GNL3L: variants seen among roughly 807,000 people sequenced by gnomAD.
The protein encoded by GNL3L is guanine nucleotide-binding protein-like 3-like protein.
Under a neutral mutation model 42.9 loss-of-function variants are expected in GNL3L, and 4 were observed. The observed-to-expected ratio is 0.09, with a 90% CI of 0.05 to 0.21. The LOEUF (loss-of-function observed/expected upper bound fraction) is 0.21, where lower values mean the gene tolerates loss of function less well. Among genes scored for constraint, GNL3L ranks in the 10% least tolerant of loss-of-function variants. The pLI, the probability that GNL3L is intolerant of heterozygous loss-of-function variation, is 1.00. For missense variants in GNL3L, 412 were observed against 481.7 expected (o/e 0.86, Z 1.36); for synonymous variants, 159 against 176.3 (o/e 0.90, Z 0.78).
At chrX:54,575,941 G>T (rs899854730) in intron 16 of GNL3L, among the ~76,000 whole-genome samples, 4 of 111,843 alleles carry the variant, frequency 3.6e-5, no homozygotes, top group Non-Finnish European at 5.6e-5. Context: ...TTATTCTATG[G>T]CATTGAATAT....
chrX:54,552,759 C>G (rs772959613), intron 13 of GNL3L, among the ~76,000 whole-genome samples: 2 of 112,092 alleles, frequency 1.8e-5, no homozygotes, highest in African/African-American at 3.2e-5. Flanking sequence ...CAAAAACTCT[C>G]TAATGTTGCC....
At chrX:54,588,326 G>A (rs981459563) in intron 16 of GNL3L, among the ~76,000 whole-genome samples, 6 of 111,979 alleles carry the variant, frequency 5.4e-5, no homozygotes, top group Admixed American at 4.7e-4. Flanking sequence ...ACCATTTTTT[G>A]TAATGTTAGT....
At chrX:54,613,318 A>G (rs1007604730) in intron 16 of GNL3L, among the ~76,000 whole-genome samples, 1 of 111,309 alleles carries the variant, frequency 9.0e-6, no homozygotes, top group African/African-American at 3.3e-5. Context: ...ATTTCTTTGA[A>G]TATTTCTCTC....
chrX:54,622,330 G>A (rs937046815), downstream of GNL3L, among the ~76,000 whole-genome samples: 7 of 90,882 alleles, frequency 7.7e-5, no homozygotes, highest in Admixed American at 2.5e-4. Context: ...CGTCGCCCAG[G>A]CTGGAGGGCA....
rs1345392154 is a variant in GNL3L at position 54,539,082 on chromosome X, T to C, written c.62T>C (p.Ile21Thr). 7 of 1,143,797 alleles carry C rather than the reference T, an allele frequency of 6.1e-6. No homozygotes were observed. Among genetic ancestry groups the C allele is most frequent in the Non-Finnish European group, 8.3e-6 (7 of 839,153 alleles). The allele number at this position is 1,143,797 out of a possible 1,213,427, so 94.3% of individuals were successfully genotyped here. Residue 21 changes from isoleucine (I) to threonine (T), a missense_variant, in exon 3 of 16, where the codon ATA becomes ACA. Physicochemically the swap from Ile to Thr is moderately conservative, Grantham distance 89. Transcript: ENST00000360845. ...PGEGSKGHKK[I>T]SWPYPQPAKQ... The stretch of plus-strand genomic sequence containing the variant: ...GAAGGTTCCAAGGGCCACAAGAAGA[T>C]AAGTTGGCCCTACCCTCAGGTAAGG...
intron 16 of GNL3L, among the ~76,000 whole-genome samples, chrX:54,593,209 T>C (rs1294883571): frequency 1.8e-5 from 2 of 112,052 alleles, no homozygotes; most frequent in Non-Finnish European, 3.8e-5. Flanking sequence ...TGTTAGCTTT[T>C]CTTTAAATGT....
At chrX:54,628,766 G>A in the GNL3L span, among the ~76,000 whole-genome samples, 1 of 107,828 alleles carries the variant, frequency 9.3e-6, no homozygotes, top group Non-Finnish European at 1.9e-5. Flanking sequence ...TTGGATATTA[G>A]TTCTTTGTCA....
In GNL3L at chrX:54,560,728, C is replaced by G; in HGVS notation, c.*126C>G. The G allele has an allele frequency of 2.0e-6, 1 of 500,067 alleles. No homozygotes were observed. The highest frequency in any genetic ancestry group is 3.5e-6 in the Non-Finnish European group (1 of 284,080). 41.2% of individuals were successfully genotyped at this position (500,067 alleles called of 1,213,427 possible). On this transcript the variant is annotated 3_prime_UTR_variant, in exon 16 of 16. Transcript: ENST00000360845. ...AAAGAACGCTTTCCCCACTGTGTGT[C>G]TTCTCCCCCTCCTCCAGTAAAAACA...
intron 16 of GNL3L, among the ~76,000 whole-genome samples, chrX:54,573,099 C>A (rs1332468771): frequency 9.3e-6 from 1 of 108,067 alleles, no homozygotes. Flanking sequence ...ACATCCCAGA[C>A]GATGGGTGGC....
At chrX:54,589,096 A>G (rs1001861496) in intron 16 of GNL3L, among the ~76,000 whole-genome samples, 2 of 111,492 alleles carry the variant, frequency 1.8e-5, no homozygotes, top group Admixed American at 9.6e-5. Context: ...ACAGGCATGC[A>G]ATGTGAAATG....
At chrX:54,547,582 G>A (rs1924812410) in intron 8 of GNL3L, among the ~76,000 whole-genome samples, 3 of 111,082 alleles carry the variant, frequency 2.7e-5, no homozygotes, top group South Asian at 3.8e-4. Context: ...GTGCATGCCT[G>A]TAGTCCCAGC....
Position 54,560,511 on chromosome X carries a change from C to T in GNL3L, c.1667-9C>T. 1 of 1,108,944 alleles carries T rather than the reference C, an allele frequency of 9.0e-7. No homozygotes were observed. The allele number at this position is 1,108,944 out of a possible 1,213,427, so 91.4% of individuals were successfully genotyped here. ...CACCAAAAGATTGCCTGTATTTCTC[C>T]ATTTGCAGATAAAATCGCCAGCAAG... is the stretch of plus-strand genomic sequence containing the variant. On this transcript the variant is annotated splice_polypyrimidine_tract_variant and intron_variant, in intron 15 of 15. Transcript: ENST00000360845.
chrX:54,630,799 T>TTC, the GNL3L span, among the ~76,000 whole-genome samples: 23 of 100,317 alleles, frequency 2.3e-4, no homozygotes, highest in South Asian at 2.9e-3. Flanking sequence ...TTTCTTTCTT[T>TTC]TCTCTCTCTC....
intron 16 of GNL3L, among the ~76,000 whole-genome samples, chrX:54,590,789 C>T (rs1294582812): frequency 3.7e-5 from 4 of 108,791 alleles, no homozygotes; most frequent in Non-Finnish European, 7.6e-5. Flanking sequence ...TTATTTAGGT[C>T]TTAGATTTAT....
intron 16 of GNL3L, among the ~76,000 whole-genome samples, chrX:54,598,088 A>T (rs1460238467): frequency 1.8e-5 from 2 of 111,751 alleles, no homozygotes. Context: ...GTGTTCTTGC[A>T]GGGGGGACAA....
At chrX:54,533,499 T>C (rs1415794178) in intron 2 of GNL3L, among the ~76,000 whole-genome samples, 1 of 111,884 alleles carries the variant, frequency 8.9e-6, no homozygotes, top group Non-Finnish European at 1.9e-5. Context: ...GCCCTGCCAG[T>C]GGACAGCTTG....
chrX:54,565,462 G>T lies in GNL3L; in HGVS notation c.*4860G>T, dbSNP rs976080123. On this transcript the variant is annotated 3_prime_UTR_variant, in exon 16 of 16. Coordinates refer to ENST00000360845, the MANE Select transcript of GNL3L (RefSeq NM_001184819.2). ...TCCACATCCTCTCTAGTACTTGGGG[G>T]TGTCAGTTTAGTTTTTTAATTTTTA... 2.7e-5 allele frequency among the ~76,000 whole-genome samples: 3 copies of T among 111,542 alleles called. No individual in the cohort carries two copies. The highest frequency in any genetic ancestry group is 5.6e-5 in the Non-Finnish European group (3 of 53,133).
intron 16 of GNL3L, among the ~76,000 whole-genome samples, chrX:54,573,590 C>G (rs935016040): frequency 9.0e-6 from 1 of 111,017 alleles, no homozygotes; most frequent in Non-Finnish European, 1.9e-5. Flanking sequence ...TATTTTATGC[C>G]TTCAAGTTCA....
Position 54,549,072 on chromosome X carries a change from C to G in GNL3L, c.775+699C>G, listed in dbSNP as rs150455270. Among the ~76,000 whole-genome samples the G allele has an allele frequency of 3.0e-3, 327 of 110,782 alleles. 2 individuals are homozygous for G. The highest frequency in any genetic ancestry group is 0.01 in the African/African-American group (310 of 30,378). On this transcript the variant is annotated intron_variant, in intron 9 of 15. Transcript: ENST00000360845. ...GCATACAGAGATCTGCCGAGGGAGA[C>G]ATAGGAAGGGTAGAGATAACCCATG...
Sources: allele counts gnomAD v4.1 joint callset (sites outside exome capture counted in the v4.1 genomes callset), GRCh38; gene constraint gnomAD v4.1.1; transcripts MANE v1.5; gene names NCBI Gene and HGNC (gene_info 2026-07-23, HGNC 2026-07-21).